Variants in FSTL5 observed in about 807,000 individuals in gnomAD.
FSTL5 encodes follistatin like 5, also known as follistatin-related protein 5.
FSTL5 carries 62 observed loss-of-function variants against 89.1 expected under a neutral mutation model. That is an observed-to-expected ratio of 0.70 (90% CI 0.57 to 0.86). The LOEUF (loss-of-function observed/expected upper bound fraction) is 0.86, where lower values mean the gene tolerates loss of function less well. Ranked by LOEUF, FSTL5 falls within the 40% of genes least tolerant of loss-of-function variation. FSTL5 has a pLI of 0.00. For missense variants in FSTL5, 1,057 were observed against 1,001.6 expected (o/e 1.06, Z -0.75); for synonymous variants, 383 against 346.2 (o/e 1.11, Z -1.18).
intron 2 of FSTL5, among the ~76,000 whole-genome samples, chr4:162,089,646 A>AG (rs1236412265): frequency 1.2e-4 from 17 of 136,480 alleles, no homozygotes; most frequent in Admixed American, 4.5e-4. Flanking sequence ...AAAAAAAAAA[A>AG]AAAAGAAAAA....
rs987921474 is a variant in FSTL5 at position 161,517,592 on chromosome 4, G to C, written c.1313-7168C>G. On this transcript the variant is annotated intron_variant, in intron 10 of 15. Coordinates refer to ENST00000306100, the MANE Select transcript of FSTL5 (RefSeq NM_020116.5). ...ATATTAAATATGCTACCTCTATAAA[G>C]AAACGTATGTGGAGAGTTGAATGAT... 2.7e-5 allele frequency among the ~76,000 whole-genome samples: 4 copies of C among 150,264 alleles called. No homozygotes were observed. The Admixed American group carries it at 2.7e-4, about 10-fold the overall frequency.
chr4:162,013,156 G>A (rs1257654583), intron 3 of FSTL5, among the ~76,000 whole-genome samples: 1 of 151,462 alleles, frequency 6.6e-6, no homozygotes. Context: ...GCACATTCCA[G>A]CCTGGGCGAC....
chr4:162,136,909 T>C (rs538857167), intron 1 of FSTL5, among the ~76,000 whole-genome samples: 1 of 152,120 alleles, frequency 6.6e-6, no homozygotes, highest in South Asian at 2.1e-4. Flanking sequence ...TTCTTAAACA[T>C]ATTTAACAAA....
intron 1 of FSTL5, among the ~76,000 whole-genome samples, chr4:162,156,742 G>C (rs1733489716): frequency 6.6e-6 from 1 of 152,090 alleles, no homozygotes; most frequent in South Asian, 2.1e-4. Flanking sequence ...GAGTCTACAA[G>C]AGTGGAGAGG....
At chr4:161,900,236 T>A (rs926284679) in intron 4 of FSTL5, among the ~76,000 whole-genome samples, 2 of 151,438 alleles carry the variant, frequency 1.3e-5, no homozygotes, top group African/African-American at 4.9e-5. Flanking sequence ...TTTTACACAG[T>A]AGCTGAACAA....
At chr4:161,606,240 ATTTTTTTT>A (rs71598720) in intron 7 of FSTL5, among the ~76,000 whole-genome samples, 25,504 of 117,894 alleles carry the variant, frequency 0.22, 2,472 homozygotes, top group East Asian at 0.38. Context: ...ATTATCTGTG[ATTTTTTTT>A]TTTTTTTTTT....
At chr4:161,586,699 A>C (rs1733628746) in intron 8 of FSTL5, among the ~76,000 whole-genome samples, 1 of 152,160 alleles carries the variant, frequency 6.6e-6, no homozygotes, top group Admixed American at 6.5e-5. Context: ...ATGGAAATCC[A>C]AATATTTACC....
At chr4:161,547,055 T>A (rs550016373) in intron 8 of FSTL5, among the ~76,000 whole-genome samples, 1 of 152,158 alleles carries the variant, frequency 6.6e-6, no homozygotes, top group African/African-American at 2.4e-5. Flanking sequence ...TCAGCTGCCG[T>A]GTCATAAGAT....
chr4:161,401,373 C>T (rs1425080200), intron 15 of FSTL5, among the ~76,000 whole-genome samples: 1 of 152,080 alleles, frequency 6.6e-6, no homozygotes, highest in Non-Finnish European at 1.5e-5. Flanking sequence ...TGTAAGTCTA[C>T]CTCAATACTG....
chr4:161,763,291 T>A (rs563529223), intron 5 of FSTL5, among the ~76,000 whole-genome samples: 1 of 152,238 alleles, frequency 6.6e-6, no homozygotes, highest in African/African-American at 2.4e-5. Context: ...AGTAAATATA[T>A]ATATTTTGCC....
intron 2 of FSTL5, among the ~76,000 whole-genome samples, chr4:162,064,600 G>C (rs1205879791): frequency 2.6e-5 from 4 of 151,984 alleles, no homozygotes; most frequent in African/African-American, 9.7e-5. Flanking sequence ...TCTTGAACCT[G>C]CCAACTTTCA....
At chr4:161,412,450 T>C (rs189635335) in intron 15 of FSTL5, among the ~76,000 whole-genome samples, 2 of 151,386 alleles carry the variant, frequency 1.3e-5, no homozygotes, top group East Asian at 3.9e-4. Context: ...AACTGAACAA[T>C]GAGAACACTT....
intron 4 of FSTL5, among the ~76,000 whole-genome samples, chr4:161,777,360 T>A (rs982237791): frequency 7.3e-5 from 11 of 151,614 alleles, no homozygotes; most frequent in African/African-American, 2.4e-4. Context: ...AACATAAGAG[T>A]GCAGATATCT....
At chr4:161,929,541 AT>A (rs201582860) in intron 3 of FSTL5, among the ~76,000 whole-genome samples, 2 of 151,498 alleles carry the variant, frequency 1.3e-5, no homozygotes, top group Non-Finnish European at 3.0e-5. Context: ...ATTTTTATGA[AT>A]TTTTTTGTGG....
chr4:161,929,235 T>C (rs1052792382), intron 3 of FSTL5, among the ~76,000 whole-genome samples: 2 of 121,792 alleles, frequency 1.6e-5, no homozygotes, highest in Non-Finnish European at 3.5e-5. Flanking sequence ...CTTCATTTAA[T>C]TAGCTTTGCT....
At chr4:162,160,561 C>T (rs1214113771) in intron 1 of FSTL5, among the ~76,000 whole-genome samples, 2 of 151,402 alleles carry the variant, frequency 1.3e-5, no homozygotes, top group African/African-American at 4.8e-5. Flanking sequence ...GTAAAAAATA[C>T]GAGAGATACT....
At chr4:161,624,710 G>A (rs1242799291) in intron 7 of FSTL5, among the ~76,000 whole-genome samples, 1 of 151,844 alleles carries the variant, frequency 6.6e-6, no homozygotes, top group Non-Finnish European at 1.5e-5. Flanking sequence ...TCTGCAATAA[G>A]TTAAGCATCT....
At chr4:162,028,112 C>G (rs112734333) in intron 3 of FSTL5, among the ~76,000 whole-genome samples, 18 of 152,070 alleles carry the variant, frequency 1.2e-4, no homozygotes, top group African/African-American at 3.4e-4. Flanking sequence ...AATCACGAAT[C>G]TCTTGATTGA....
At chr4:161,612,635 G>T (rs183959998) in intron 7 of FSTL5, among the ~76,000 whole-genome samples, 2 of 152,286 alleles carry the variant, frequency 1.3e-5, no homozygotes, top group African/African-American at 4.8e-5. Flanking sequence ...AAGTATTAAG[G>T]ACCAAGTTCC....
Sources: allele counts gnomAD v4.1 joint callset (sites outside exome capture counted in the v4.1 genomes callset), GRCh38; gene constraint gnomAD v4.1.1; transcripts MANE v1.5; gene names NCBI Gene and HGNC (gene_info 2026-07-23, HGNC 2026-07-21).